Variants in LACTBL1 observed in about 807,000 individuals in gnomAD.
The protein encoded by LACTBL1 is lactamase beta like 1, also known as beta-lactamase-like protein 1.
A neutral mutation model predicts 39.6 loss-of-function variants in LACTBL1; 29 were observed. That is an observed-to-expected ratio of 0.73 (90% CI 0.55 to 1.00). The LOEUF is 1.00. Among genes scored for constraint, LACTBL1 ranks in the 50% least tolerant of loss-of-function variants. The pLI, the probability that LACTBL1 is intolerant of heterozygous loss-of-function variation, is 0.00. For missense variants in LACTBL1, 711 were observed against 748.5 expected (o/e 0.95, Z 0.59); for synonymous variants, 361 against 360.7 (o/e 1.00, Z -0.01).
chr1:22,965,215 T>A, intron 1 of LACTBL1, 75 bp downstream of exon 3: 1 of 1,225,468 alleles, frequency 8.2e-7, no homozygotes, highest in Non-Finnish European at 1.0e-6. Flanking sequence ...CACACTAGAA[T>A]CAGGGGTGGC....
chr1:22,960,145 C>T, intron 2 of LACTBL1, 46 bp from the exon 5 acceptor site: 2 of 1,546,246 alleles, frequency 1.3e-6, no homozygotes, highest in South Asian at 1.2e-5. Flanking sequence ...CCTGCCCTCA[C>T]CCTCAGTAAT....
chr1:22,957,493 T>C (rs1447558137), intron 4 of LACTBL1, among the ~76,000 whole-genome samples: 1 of 152,124 alleles, frequency 6.6e-6, no homozygotes. Flanking sequence ...GGTAAGAAGG[T>C]CTGTTTTACC....
intron 4 of LACTBL1, 23 bp from the exon 7 acceptor site, chr1:22,955,449 C>T: frequency 6.6e-7 from 1 of 1,512,514 alleles, no homozygotes. Flanking sequence ...AGTGGTCAGA[C>T]TTACCGGGCC....
chr1:22,966,064 T>A (rs1640873564), upstream of LACTBL1, among the ~76,000 whole-genome samples: 1 of 152,244 alleles, frequency 6.6e-6, no homozygotes, highest in Non-Finnish European at 1.5e-5. Flanking sequence ...CACTGAATTG[T>A]ACACTTAACA....
chr1:22,964,963 A>G (rs1250719111), intron 1 of LACTBL1, among the ~76,000 whole-genome samples: 1 of 152,164 alleles, frequency 6.6e-6, no homozygotes. Context: ...TGGAGATTCC[A>G]TCATGGTGGC....
upstream of LACTBL1, among the ~76,000 whole-genome samples, chr1:22,969,789 C>T (rs177928): frequency 0.022 from 3,413 of 152,208 alleles, 160 homozygotes; most frequent in African/African-American, 0.078. Context: ...CAGGCAGAGC[C>T]GCTCATGGTA....
At chr1:22,953,867 G>C (rs1553181076) in exon 6 of LACTBL1, 6 of 1,548,820 alleles carry the variant, frequency 3.9e-6, no homozygotes, top group Non-Finnish European at 5.2e-6. Flanking sequence ...CCCGCGGCCA[G>C]GCGCGCGCGC....
At chr1:22,960,432 A>G (rs900915890) in intron 2 of LACTBL1, among the ~76,000 whole-genome samples, 1 of 152,100 alleles carries the variant, frequency 6.6e-6, no homozygotes, top group Non-Finnish European at 1.5e-5. Flanking sequence ...CCTGGCCAAC[A>G]TGGTGAAACC....
At chr1:22,956,383 GAGA>G (rs958694440) in intron 4 of LACTBL1, among the ~76,000 whole-genome samples, 1 of 152,038 alleles carries the variant, frequency 6.6e-6, no homozygotes, top group African/African-American at 2.4e-5. Context: ...AAAGGAGAAG[GAGA>G]AGGAGAAAGA....
intron 5 of LACTBL1, 86 bp from the exon 8 acceptor site, chr1:22,954,110 G>A: frequency 1.4e-6 from 2 of 1,450,038 alleles, no homozygotes; most frequent in African/African-American, 1.4e-5. Context: ...ATGGGACTGG[G>A]CGGGGCTGGG....
intron 2 of LACTBL1, 107 bp from the exon 5 acceptor site, chr1:22,960,206 A>G (rs900866202): frequency 1.1e-5 from 15 of 1,333,960 alleles, no homozygotes; most frequent in Middle Eastern, 2.5e-4. Flanking sequence ...GCAGCACCCC[A>G]GTGAGCCTCC....
intron 2 of LACTBL1, 104 bp from the exon 5 acceptor site, chr1:22,960,203 C>G: frequency 7.4e-7 from 1 of 1,346,726 alleles, no homozygotes; most frequent in Non-Finnish European, 1.0e-6. Flanking sequence ...CATGCAGCAC[C>G]CCAGTGAGCC....
chr1:22,953,252 C>G, exon 6 of LACTBL1: 3 of 1,231,782 alleles, frequency 2.4e-6, no homozygotes, highest in Non-Finnish European at 3.0e-6. Context: ...AAGACGCGGC[C>G]GTGCAGGTGG....
At chr1:22,971,054 G>T in the LACTBL1 span, among the ~76,000 whole-genome samples, 152 of 152,290 alleles carry the variant, frequency 1.0e-3, no homozygotes, top group Non-Finnish European at 1.1e-3. Context: ...AGGACCCCTT[G>T]GTGGGAAGGC....
Position 22,963,099 on chromosome 1 carries a change from T to C in LACTBL1, c.159+8A>G. On this transcript the variant is annotated splice_region_variant and intron_variant, in intron 2 of 5. Transcript: ENST00000426928. The stretch of plus-strand genomic sequence containing the variant: ...ATATGCCCAGTTTCCTCCTGGGTCA[T>C]CACTGACCTTTTCCAGGGCCTCCTT... 7.8e-7 allele frequency: 1 copy of C among 1,281,452 alleles called. No individual in the cohort carries two copies. Among genetic ancestry groups the C allele is most frequent in the South Asian group, 2.9e-5 (1 of 34,228 alleles). 79.4% of individuals were successfully genotyped at this position (1,281,452 alleles called of 1,614,324 possible). A position where few individuals can be genotyped will look rare whatever the true frequency, so the allele number is the denominator to read the frequency against.
chr1:22,968,733 T>C (rs761023580), upstream of LACTBL1, among the ~76,000 whole-genome samples: 5 of 152,246 alleles, frequency 3.3e-5, no homozygotes, highest in African/African-American at 4.8e-5. Flanking sequence ...CTTAAGAAAA[T>C]CACTTAACCT....
At chr1:22,953,158 A>T (rs12735075) in exon 6 of LACTBL1, 28,525 of 1,232,194 alleles carry the variant, frequency 0.023, 391 homozygotes, top group Non-Finnish European at 0.026. Flanking sequence ...GAAGTTGACC[A>T]GCTGCCCGTG....
exon 6 of LACTBL1, chr1:22,953,901 C>G (rs1328355101): frequency 3.9e-6 from 6 of 1,550,122 alleles, no homozygotes; most frequent in Non-Finnish European, 5.2e-6. Context: ...GGTCAAAGCC[C>G]GTGTCTGCCA....
chr1:22,962,417 T>TC (rs1389090392), intron 2 of LACTBL1, among the ~76,000 whole-genome samples: 1 of 152,132 alleles, frequency 6.6e-6, no homozygotes, highest in East Asian at 1.9e-4. Context: ...TCTCCATGTC[T>TC]CCCATGGTGG....
Sources: allele counts gnomAD v4.1 joint callset (sites outside exome capture counted in the v4.1 genomes callset), GRCh38; gene constraint gnomAD v4.1.1; transcripts MANE v1.5; gene names NCBI Gene and HGNC (gene_info 2026-07-23, HGNC 2026-07-21).